LSAMP: variants seen among roughly 807,000 people sequenced by gnomAD.
LSAMP encodes the protein limbic system-associated membrane protein.
LSAMP carries 7 observed loss-of-function variants against 38.6 expected under a neutral mutation model. The observed-to-expected ratio is 0.18, with a 90% CI of 0.10 to 0.34. LSAMP has a LOEUF of 0.34. Among genes scored for constraint, LSAMP ranks in the 10% least tolerant of loss-of-function variants. LSAMP has a pLI of 1.00. For missense variants in LSAMP, 313 were observed against 420.0 expected, an observed-to-expected ratio of 0.75 and a Z score of 2.23; for synonymous variants, 154 against 166.8, an observed-to-expected ratio of 0.92 and a Z score of 0.59.
chr3:116,071,323 AT>A (rs1707601438), intron 2 of LSAMP, among the ~76,000 whole-genome samples: 1 of 149,822 alleles, frequency 6.7e-6, no homozygotes, highest in Non-Finnish European at 1.5e-5. Flanking sequence ...TATCCTCTTA[AT>A]AATCATGAGG....
rs1049169386 is a variant in LSAMP at position 116,121,019 on chromosome 3, A to G, written c.156-34463T>C. Among the ~76,000 whole-genome samples the G allele has an allele frequency of 3.2e-4, 48 of 152,216 alleles. 3 individuals carry two copies. Among genetic ancestry groups the G allele is most frequent in the Non-Finnish European group, 2.9e-5 (2 of 68,040 alleles). On this transcript the variant is annotated intron_variant, in intron 1 of 6. Coordinates refer to ENST00000490035, the MANE Select transcript of LSAMP (RefSeq NM_002338.5). ...AAACCCATTACAGGAACTCCAGGTT[A>G]AGAACACTCAGACTAGGGGCAATGT...
intron 2 of LSAMP, among the ~76,000 whole-genome samples, chr3:116,042,171 T>A (rs985268916): frequency 6.6e-6 from 1 of 152,180 alleles, no homozygotes; most frequent in Non-Finnish European, 1.5e-5. Flanking sequence ...TTACCTATTA[T>A]CATGTTCCCA....
intron 3 of LSAMP, among the ~76,000 whole-genome samples, chr3:115,966,989 G>C (rs1191805158): frequency 1.3e-5 from 2 of 152,160 alleles, no homozygotes; most frequent in African/African-American, 4.8e-5. Context: ...AAAGATATAG[G>C]TAAGGTTCTA....
At position 115,815,686 on chromosome 3, in the gene LSAMP, G is replaced by A. The variant is rs914062695; in HGVS notation, c.920-5272C>T. Among the ~76,000 whole-genome samples, 7 of 152,172 alleles carry A rather than the reference G, an allele frequency of 4.6e-5. No homozygotes were observed. In the East Asian group the frequency reaches 1.2e-3, roughly 25 times the overall value. On this transcript the variant is annotated intron_variant, in intron 6 of 6. Coordinates refer to ENST00000490035, the MANE Select transcript of LSAMP (RefSeq NM_002338.5). ...TTCAACCACATATCAAAGCCATAAT[G>A]TATCACATATAACACTAGCCACTTA...
intron 1 of LSAMP, among the ~76,000 whole-genome samples, chr3:116,403,941 T>TA (rs2048872404): frequency 6.6e-6 from 1 of 151,468 alleles, no homozygotes; most frequent in Non-Finnish European, 1.5e-5. Context: ...TTTTTTTTTT[T>TA]AACCTAGAGA....
intron 6 of LSAMP, among the ~76,000 whole-genome samples, chr3:115,825,646 C>T (rs533179433): frequency 1.3e-5 from 2 of 152,240 alleles, no homozygotes; most frequent in East Asian, 3.9e-4. Flanking sequence ...TTTTCCTGGT[C>T]CTGAGTGTAA....
intron 6 of LSAMP, among the ~76,000 whole-genome samples, chr3:115,827,257 G>A (rs1934448481): frequency 6.6e-6 from 1 of 151,840 alleles, no homozygotes; most frequent in Non-Finnish European, 1.5e-5. Context: ...GGCTGGGAAT[G>A]CTTGCTGCTG....
chr3:115,958,009 T>G (rs1043210495), intron 3 of LSAMP, among the ~76,000 whole-genome samples: 6 of 152,174 alleles, frequency 3.9e-5, no homozygotes, highest in African/African-American at 1.4e-4. Context: ...ATCCCACTCT[T>G]GTCAGGAATG....
intron 6 of LSAMP, among the ~76,000 whole-genome samples, chr3:115,819,705 A>G (rs190878889): frequency 4.1e-4 from 63 of 152,356 alleles, no homozygotes; most frequent in African/African-American, 1.4e-3. Flanking sequence ...TGCTTGAAAT[A>G]TCTTTAAAAA....
intron 1 of LSAMP, among the ~76,000 whole-genome samples, chr3:116,170,789 T>C (rs1172778613): frequency 6.6e-6 from 1 of 152,136 alleles, no homozygotes; most frequent in African/African-American, 2.4e-5. Flanking sequence ...CAAACTGATT[T>C]ACACAATGAA....
chr3:115,943,465 G>T (rs1197291701), intron 3 of LSAMP, among the ~76,000 whole-genome samples: 2 of 152,156 alleles, frequency 1.3e-5, no homozygotes, highest in Non-Finnish European at 2.9e-5. Context: ...TAAGATAGAT[G>T]CTGGTTTCTT....
intron 1 of LSAMP, among the ~76,000 whole-genome samples, chr3:116,233,473 G>A (rs1157672160): frequency 6.9e-6 from 1 of 144,786 alleles, no homozygotes; most frequent in Non-Finnish European, 1.5e-5. Context: ...ATTTCTTTGT[G>A]TTTGGGACAT....
At chr3:116,433,384 A>G (rs2049307459) in intron 1 of LSAMP, among the ~76,000 whole-genome samples, 1 of 152,156 alleles carries the variant, frequency 6.6e-6, no homozygotes, top group Non-Finnish European at 1.5e-5. Context: ...ACAGTAATGC[A>G]TTATTTTATG....
At chr3:116,331,063 C>T (rs1373027324) in intron 1 of LSAMP, among the ~76,000 whole-genome samples, 1 of 151,798 alleles carries the variant, frequency 6.6e-6, no homozygotes, top group Non-Finnish European at 1.5e-5. Context: ...CAATAAATAG[C>T]AAACCTAAAA....
chr3:116,436,981 ATATATATATATGCATATATATATATGTG>A (rs2049359611), intron 1 of LSAMP, among the ~76,000 whole-genome samples: 1 of 150,440 alleles, frequency 6.6e-6, no homozygotes, highest in African/African-American at 2.4e-5. Flanking sequence ...AAAGTGTGGC[ATATATATATATGCATATATATATATGTG>A]TATATATATG....
chr3:115,988,461 TTGTC>T (rs1392874581), intron 3 of LSAMP, among the ~76,000 whole-genome samples: 12 of 151,998 alleles, frequency 7.9e-5, no homozygotes, highest in Admixed American at 3.9e-4. Context: ...TTTTGTTTGT[TTGTC>T]TGTTTGTTTG....
At chr3:116,371,690 A>C (rs1178934068) in intron 1 of LSAMP, among the ~76,000 whole-genome samples, 2 of 152,134 alleles carry the variant, frequency 1.3e-5, no homozygotes, top group Non-Finnish European at 2.9e-5. Flanking sequence ...CACAGCAATT[A>C]GGCAAGAGAA....
intron 3 of LSAMP, among the ~76,000 whole-genome samples, chr3:115,987,783 C>A (rs565255387): frequency 6.6e-6 from 1 of 152,202 alleles, no homozygotes; most frequent in South Asian, 2.1e-4. Flanking sequence ...TGATATAGGA[C>A]CTTTAATGCA....
intron 1 of LSAMP, among the ~76,000 whole-genome samples, chr3:116,398,130 T>A (rs2048792939): frequency 6.6e-6 from 1 of 151,892 alleles, no homozygotes; most frequent in African/African-American, 2.4e-5. Flanking sequence ...GAAAAGCAAA[T>A]AAAAAAACTT....
Sources: gnomAD v4.1 joint callset for allele counts (sites outside exome capture counted in the v4.1 genomes callset) on GRCh38, gnomAD v4.1.1 for gene constraint, MANE v1.5 for transcripts, NCBI Gene and HGNC (gene_info 2026-07-23, HGNC 2026-07-21) for gene names.